The following COL8A1 variants were observed in gnomAD, a reference collection of about 807,000 sequenced individuals.
The protein encoded by COL8A1 is collagen type VIII alpha 1 chain, also known as collagen alpha-1(VIII) chain.
Under a neutral mutation model 42.7 loss-of-function variants are expected in COL8A1, and 21 were observed. That is an observed-to-expected ratio of 0.49 (90% CI 0.35 to 0.71). The LOEUF is 0.71. Among genes scored for constraint, COL8A1 ranks in the 30% least tolerant of loss-of-function variants. The pLI is 0.01. For missense variants in COL8A1, 788 were observed against 962.4 expected (o/e 0.82, Z 2.40); for synonymous variants, 367 against 369.1 (o/e 0.99, Z 0.06).
Position 99,794,192 on chromosome 3 carries a change from T to G in COL8A1, c.329-38T>G. ...CAATCTACTAATCAATCTCTCTCTC[T>G]CCCCCCATACCCCTTCTCTCTCTTC... On this transcript the variant is annotated intron_variant, in intron 3 of 3. Coordinates refer to ENST00000652472, the MANE Select transcript of COL8A1 (RefSeq NM_020351.4). This position sits in a 1 kb window ranked among gnomAD's most constrained non-coding sequence, Gnocchi z 4.3. 7.4e-7 allele frequency: 1 copy of G among 1,346,350 alleles called. No individual in the cohort carries two copies. Among genetic ancestry groups the G allele is most frequent in the South Asian group, 1.5e-5 (1 of 68,506 alleles). 83.4% of individuals were successfully genotyped at this position (1,346,350 alleles called of 1,614,324 possible). A position where few individuals can be genotyped will look rare whatever the true frequency, so the allele number is the denominator to read the frequency against.
intron 1 of COL8A1, among the ~76,000 whole-genome samples, chr3:99,701,694 C>T (rs757481059): frequency 1.1e-4 from 16 of 152,294 alleles, no homozygotes; most frequent in Non-Finnish European, 8.8e-5. Flanking sequence ...CAACTTCCAA[C>T]TTCTGGAGTT....
At chr3:99,647,690 C>T (rs1937692061) in intron 1 of COL8A1, among the ~76,000 whole-genome samples, 1 of 152,174 alleles carries the variant, frequency 6.6e-6, no homozygotes, top group Admixed American at 6.6e-5. Context: ...CTGTTAATTT[C>T]CTGCTTTATC....
intron 1 of COL8A1, among the ~76,000 whole-genome samples, chr3:99,744,181 C>T (rs891241763): frequency 6.6e-6 from 1 of 152,182 alleles, no homozygotes; most frequent in South Asian, 2.1e-4. Flanking sequence ...CCACCTGCCT[C>T]GGCCTCCCAA....
At chr3:99,697,977 CA>C (rs1434613300) in intron 1 of COL8A1, among the ~76,000 whole-genome samples, 3 of 152,156 alleles carry the variant, frequency 2.0e-5, no homozygotes, top group Non-Finnish European at 2.9e-5. Context: ...CCCCCTCACC[CA>C]CTGATAGGCC....
intron 1 of COL8A1, among the ~76,000 whole-genome samples, chr3:99,699,181 A>G (rs780434132): frequency 1.3e-5 from 2 of 152,184 alleles, no homozygotes; most frequent in Non-Finnish European, 2.9e-5. Context: ...CCACTTCCCT[A>G]CTTTGCTACT....
At chr3:99,651,633 G>A (rs1937851573) in intron 1 of COL8A1, among the ~76,000 whole-genome samples, 2 of 152,352 alleles carry the variant, frequency 1.3e-5, no homozygotes, top group South Asian at 4.1e-4. Context: ...TGAGCAAAGT[G>A]ATCAAACATT....
Position 99,706,090 on chromosome 3 carries a change from T to C in COL8A1, c.-128-38807T>C, listed in dbSNP as rs563448321. Among the ~76,000 whole-genome samples, 24 of 152,292 alleles carry C rather than the reference T, an allele frequency of 1.6e-4. No homozygotes were observed. In the South Asian group the frequency reaches 5.0e-3, roughly 32 times the overall value. Reference sequence around the variant, plus strand: ...TTACTGTTAGGTCAGGAAAAATATGTAGCCTGTATACACACTTTGGAAAAG... The same window carrying C: ...TTACTGTTAGGTCAGGAAAAATATGCAGCCTGTATACACACTTTGGAAAAG... On this transcript the variant is annotated intron_variant, in intron 1 of 3. Coordinates refer to ENST00000652472, the MANE Select transcript of COL8A1 (RefSeq NM_020351.4).
intron 1 of COL8A1, among the ~76,000 whole-genome samples, chr3:99,695,518 A>G (rs771352229): frequency 1.3e-5 from 2 of 152,076 alleles, no homozygotes; most frequent in African/African-American, 2.4e-5. Flanking sequence ...AAATAAAAAT[A>G]ATTAAAAATC....
In COL8A1 at chr3:99,756,337, G is replaced by A. The variant is rs565897484; in HGVS notation, c.-4+11316G>A. Among the ~76,000 whole-genome samples, 10 of 152,208 alleles carry A rather than the reference G, an allele frequency of 6.6e-5. No homozygotes were observed. In the East Asian group the frequency reaches 1.9e-3, roughly 29 times the overall value. ...CACCACCTGTTTTAGGATAAGCCAT[G>A]TATAGCAATAATTATATTCTGCCAC... On this transcript the variant is annotated intron_variant, in intron 2 of 3. Transcript: ENST00000652472.
chr3:99,658,251 T>C (rs1444104291), intron 1 of COL8A1, among the ~76,000 whole-genome samples: 1 of 152,182 alleles, frequency 6.6e-6, no homozygotes, highest in East Asian at 1.9e-4. Context: ...CTATACCATC[T>C]GCTGTCACCA....
In COL8A1 at chr3:99,756,526, CCTAA is replaced by C. The variant is rs1157609671; in HGVS notation, c.-4+11509_-4+11512del. Among the ~76,000 whole-genome samples, 32 of 152,230 alleles carry C rather than the reference CCTAA, an allele frequency of 2.1e-4. 1 individual carries two copies. The highest frequency in any genetic ancestry group is 6.0e-4 in the African/African-American group (25 of 41,536). On this transcript the variant is annotated intron_variant, in intron 2 of 3. Coordinates refer to ENST00000652472, the MANE Select transcript of COL8A1 (RefSeq NM_020351.4). ...AAATATGAATAATAGAAGCTTAGCT[CCTAA>C]CTATTTCAAGAAGTACAAGGAAAAC...
intron 1 of COL8A1, among the ~76,000 whole-genome samples, chr3:99,729,288 G>C (rs1940429819): frequency 6.6e-6 from 1 of 151,964 alleles, no homozygotes; most frequent in African/African-American, 2.4e-5. Context: ...ATATTGAAGT[G>C]TTAATTTCTC....
intron 1 of COL8A1, among the ~76,000 whole-genome samples, chr3:99,731,173 A>G (rs555293347): frequency 1.6e-4 from 25 of 152,278 alleles, no homozygotes; most frequent in African/African-American, 5.8e-4. Context: ...TGTATAATTA[A>G]GTAAGGAAGC....
At chr3:99,778,726 A>G (rs531062530) in intron 2 of COL8A1, among the ~76,000 whole-genome samples, 3 of 152,306 alleles carry the variant, frequency 2.0e-5, no homozygotes, top group African/African-American at 7.2e-5. Flanking sequence ...TCAGGAGAGT[A>G]AGAATGAAAA....
intron 2 of COL8A1, among the ~76,000 whole-genome samples, chr3:99,775,756 T>C (rs1429222895): frequency 6.6e-6 from 1 of 152,144 alleles, no homozygotes; most frequent in Admixed American, 6.5e-5. Context: ...ACTCCTAAAT[T>C]TCCTCAGTCC....
At chr3:99,671,741 A>G (rs934414989) in intron 1 of COL8A1, among the ~76,000 whole-genome samples, 4 of 152,036 alleles carry the variant, frequency 2.6e-5, no homozygotes, top group African/African-American at 4.8e-5. Context: ...TGGTACAACC[A>G]TTATGGGAAA....
At position 99,752,040 on chromosome 3, in the gene COL8A1, T is replaced by C. The variant is rs148974301; in HGVS notation, c.-4+7019T>C. ...TCCTGATTTAATGCATTTATGAAAATATGCTTATAATAAAATTATATATAT... is the reference window on the plus strand; with the variant it reads ...TCCTGATTTAATGCATTTATGAAAACATGCTTATAATAAAATTATATATAT... On this transcript the variant is annotated intron_variant, in intron 2 of 3. Coordinates refer to ENST00000652472, the MANE Select transcript of COL8A1 (RefSeq NM_020351.4). 2.8e-4 allele frequency among the ~76,000 whole-genome samples: 42 copies of C among 152,240 alleles called. No individual in the cohort carries two copies. In the East Asian group the frequency reaches 6.0e-3, roughly 22 times the overall value.
intron 2 of COL8A1, among the ~76,000 whole-genome samples, chr3:99,762,882 C>A (rs998902034): frequency 4.6e-5 from 7 of 152,160 alleles, no homozygotes; most frequent in African/African-American, 1.7e-4. Context: ...GACAGTCAGA[C>A]CAAAGGCTCC....
chr3:99,714,194 G>A (rs1041710589), intron 1 of COL8A1, among the ~76,000 whole-genome samples: 4 of 152,116 alleles, frequency 2.6e-5, no homozygotes, highest in African/African-American at 7.2e-5. Flanking sequence ...AATTGTGGCT[G>A]TAATGCAAGT....
Sources: gnomAD v4.1 joint callset for allele counts (sites outside exome capture counted in the v4.1 genomes callset) on GRCh38, gnomAD v4.1.1 for gene constraint, Gnocchi (gnomAD v3.1) non-coding constraint, MANE v1.5 for transcripts, NCBI Gene and HGNC (gene_info 2026-07-23, HGNC 2026-07-21) for gene names.